CRADD: variants seen among roughly 807,000 people sequenced by gnomAD.
The protein encoded by CRADD is death domain-containing protein CRADD.
A neutral mutation model predicts 15.5 loss-of-function variants in CRADD; 9 were observed. That is an observed-to-expected ratio of 0.58 (90% CI 0.35 to 1.01). The LOEUF (loss-of-function observed/expected upper bound fraction) is 1.01. CRADD is among the 50% of genes least tolerant of loss of function. CRADD has a pLI of 0.02. For missense variants in CRADD, 227 were observed against 250.3 expected, an observed-to-expected ratio of 0.91 and a Z score of 0.63; for synonymous variants, 118 against 107.6, an observed-to-expected ratio of 1.10 and a Z score of -0.60.
intron 2 of CRADD, among the ~76,000 whole-genome samples, chr12:93,876,936 T>C (rs1352125959): frequency 6.6e-6 from 1 of 152,228 alleles, no homozygotes; most frequent in Non-Finnish European, 1.5e-5. Flanking sequence ...CCTCACTGTC[T>C]GGGCTTATTT....
At chr12:93,856,285 G>A (rs1306849931) in intron 2 of CRADD, among the ~76,000 whole-genome samples, 4 of 152,248 alleles carry the variant, frequency 2.6e-5, no homozygotes, top group Non-Finnish European at 5.9e-5. Flanking sequence ...CAGAGTTGGG[G>A]TGGATTCTGA....
intron 2 of CRADD, among the ~76,000 whole-genome samples, chr12:93,697,336 G>A (rs1338480094): frequency 2.0e-5 from 3 of 152,290 alleles, no homozygotes; most frequent in South Asian, 2.1e-4. Flanking sequence ...ATTCTGCTGC[G>A]GGAGGACACA....
rs193289105 is a variant in CRADD at position 93,841,463 on chromosome 12, A to G, written c.299-8507A>G. 1.7e-4 allele frequency among the ~76,000 whole-genome samples: 26 copies of G among 152,322 alleles called. No individual in the cohort carries two copies. The East Asian group carries it at 4.6e-3, about 27-fold the overall frequency. ...AACTTGTCCAAGGTCCACAGGATCCATGAACATTTGATGGAGCTTACCTGT... is the reference window on the plus strand; with the variant it reads ...AACTTGTCCAAGGTCCACAGGATCCGTGAACATTTGATGGAGCTTACCTGT... On this transcript the variant is annotated intron_variant, in intron 2 of 2. Transcript: ENST00000332896.
At chr12:93,758,244 A>G (rs1178698967) in intron 2 of CRADD, among the ~76,000 whole-genome samples, 1 of 152,182 alleles carries the variant, frequency 6.6e-6, no homozygotes, top group African/African-American at 2.4e-5. Context: ...AGAGTTTAGA[A>G]TCTATTCCAA....
chr12:93,738,322 G>A (rs1425613187), intron 2 of CRADD: 1 of 700,776 alleles, frequency 1.4e-6, no homozygotes, highest in Non-Finnish European at 2.6e-6. Flanking sequence ...TCAGGCATGG[G>A]CCCTGGAACT....
chr12:93,715,461 T>C (rs1175723766), intron 2 of CRADD, among the ~76,000 whole-genome samples: 1 of 152,166 alleles, frequency 6.6e-6, no homozygotes, highest in Non-Finnish European at 1.5e-5. Context: ...AGTGGGCCTC[T>C]ACCATAGAGG....
chr12:93,706,344 A>G (rs1955950893), intron 2 of CRADD, among the ~76,000 whole-genome samples: 1 of 152,208 alleles, frequency 6.6e-6, no homozygotes, highest in South Asian at 2.1e-4. Context: ...TAGTATGAAA[A>G]ATGTGGGTGA....
At chr12:93,894,104 C>T (rs981937121) in exon 3 of CRADD, 10 of 702,500 alleles carry the variant, frequency 1.4e-5, no homozygotes, top group Admixed American at 2.0e-5. Flanking sequence ...TCACAGCTCA[C>T]CTGGAGATTC....
At chr12:93,798,613 T>G (rs1376237383) in intron 2 of CRADD, among the ~76,000 whole-genome samples, 1 of 152,184 alleles carries the variant, frequency 6.6e-6, no homozygotes, top group African/African-American at 2.4e-5. Flanking sequence ...CTCCAGAGAC[T>G]GGGCTCTTGA....
chr12:93,779,591 CT>C (rs72096249), intron 2 of CRADD, among the ~76,000 whole-genome samples: 165 of 137,442 alleles, frequency 1.2e-3, no homozygotes, highest in African/African-American at 1.7e-3. Context: ...AAGAAAGAAC[CT>C]TTTTTTTTTT....
At chr12:93,736,231 G>T (rs1956566518) in intron 2 of CRADD, among the ~76,000 whole-genome samples, 1 of 152,122 alleles carries the variant, frequency 6.6e-6, no homozygotes, top group African/African-American at 2.4e-5. Context: ...AATTGAGCTA[G>T]ATTTGTATTT....
intron 2 of CRADD, among the ~76,000 whole-genome samples, chr12:93,830,283 T>C (rs1957878753): frequency 6.6e-6 from 1 of 152,220 alleles, no homozygotes; most frequent in Admixed American, 6.5e-5. Flanking sequence ...ACATGTGAGC[T>C]AATTATTGAA....
At chr12:93,690,995 T>C (rs1955551045) in intron 2 of CRADD, among the ~76,000 whole-genome samples, 1 of 152,216 alleles carries the variant, frequency 6.6e-6, no homozygotes. Context: ...TTCTAAGAAA[T>C]ATGATTAGGT....
chr12:93,683,581 C>T (rs1565869433), intron 2 of CRADD, among the ~76,000 whole-genome samples: 2 of 152,192 alleles, frequency 1.3e-5, no homozygotes, highest in Non-Finnish European at 2.9e-5. Flanking sequence ...TCCCTGGCTG[C>T]TCTTACAACA....
intron 2 of CRADD, among the ~76,000 whole-genome samples, chr12:93,683,451 G>A (rs941138250): frequency 2.0e-5 from 3 of 152,234 alleles, no homozygotes; most frequent in Non-Finnish European, 2.9e-5. Context: ...CGGTGCCTCC[G>A]GCATCAGCAT....
Position 93,782,587 on chromosome 12 carries a change from G to A in CRADD, c.299-67383G>A, listed in dbSNP as rs565140918. Among the ~76,000 whole-genome samples the A allele has an allele frequency of 3.6e-3, 526 of 145,810 alleles. 4 individuals carry two copies. The highest frequency in any genetic ancestry group is 0.013 in the African/African-American group (501 of 39,070). On this transcript the variant is annotated intron_variant, in intron 2 of 2. Transcript: ENST00000332896. ...CCAACCTGGGCAACAGCGAGACTCCGTCTCAGGAAAAAAAAAAAAAAAAGA... is the reference window on the plus strand; with the variant it reads ...CCAACCTGGGCAACAGCGAGACTCCATCTCAGGAAAAAAAAAAAAAAAAGA...
intron 2 of CRADD, among the ~76,000 whole-genome samples, chr12:93,734,605 C>T (rs960223607): frequency 3.9e-5 from 6 of 152,120 alleles, no homozygotes; most frequent in Non-Finnish European, 7.4e-5. Flanking sequence ...AATATGTTCC[C>T]GCTGCTCTTA....
At chr12:93,761,754 T>G (rs1297552158) in intron 2 of CRADD, among the ~76,000 whole-genome samples, 1 of 152,204 alleles carries the variant, frequency 6.6e-6, no homozygotes, top group Non-Finnish European at 1.5e-5. Context: ...CAAATTGGTA[T>G]TATGAGCACT....
intron 2 of CRADD, among the ~76,000 whole-genome samples, chr12:93,833,052 A>G (rs1957928470): frequency 6.6e-6 from 1 of 152,242 alleles, no homozygotes; most frequent in Non-Finnish European, 1.5e-5. Context: ...GCAGGGCCAC[A>G]TTATGACTTT....
Sources: gnomAD v4.1 joint callset for allele counts (sites outside exome capture counted in the v4.1 genomes callset) on GRCh38, gnomAD v4.1.1 for gene constraint, MANE v1.5 for transcripts, NCBI Gene and HGNC (gene_info 2026-07-23, HGNC 2026-07-21) for gene names.